GLIS1: variants seen among roughly 807,000 people sequenced by gnomAD.
GLIS1 encodes zinc finger protein GLIS1.
A neutral mutation model predicts 63.8 loss-of-function variants in GLIS1; 24 were observed. The ratio of observed to expected loss-of-function variants is 0.38; its 90% confidence interval spans 0.27 to 0.53. The LOEUF is 0.53. Ranked by LOEUF, GLIS1 falls within the 20% of genes least tolerant of loss-of-function variation. The pLI, the probability that GLIS1 is intolerant of heterozygous loss-of-function variation, is 0.85. For missense variants in GLIS1, 1,036 were observed against 1,074.1 expected (o/e 0.96, Z 0.50); for synonymous variants, 450 against 482.5 (o/e 0.93, Z 0.88).
chr1:53,506,708 A>G lies in GLIS1; in HGVS notation c.2299T>C (p.Ser767Pro). 6.2e-7 allele frequency: 1 copy of G among 1,613,430 alleles called. No individual in the cohort carries two copies. The highest frequency in any genetic ancestry group is 8.5e-7 in the Non-Finnish European group (1 of 1,179,988). Residue 767 changes from serine to proline, a missense_variant, in exon 11 of 11, where the codon TCC becomes CCC. By Grantham distance (74) the Ser-to-Pro change is moderately conservative. Around this residue, in one of 3 missense-constraint regions of GLIS1, gnomAD observed 400 missense variants for 400.9 expected, o/e 1.00. Transcript: ENST00000628545. ...LPQQPSEDVV[S>P]SGPEDCGFFP... ...AAGCCACAGTCCTCGGGGCCGCTGGACACCACATCTTCAGATGGCTGCTGT... is the reference window on the plus strand; with the variant it reads ...AAGCCACAGTCCTCGGGGCCGCTGGGCACCACATCTTCAGATGGCTGCTGT...
intron 4 of GLIS1, among the ~76,000 whole-genome samples, chr1:53,543,352 A>G (rs1249048423): frequency 6.6e-6 from 1 of 152,102 alleles, no homozygotes; most frequent in African/African-American, 2.4e-5. Context: ...TGCCTTGTTT[A>G]ACCTCCGGAG....
chr1:53,635,377 T>C (rs956788134), intron 2 of GLIS1, among the ~76,000 whole-genome samples: 1 of 152,050 alleles, frequency 6.6e-6, no homozygotes, highest in African/African-American at 2.4e-5. Flanking sequence ...ATCAAAAACA[T>C]AACGGAAATT....
chr1:53,614,113 C>T (rs1004841569), intron 2 of GLIS1, among the ~76,000 whole-genome samples: 3 of 152,118 alleles, frequency 2.0e-5, no homozygotes, highest in African/African-American at 7.2e-5. Context: ...CTACTATATG[C>T]CAGGACCAGG....
intron 7 of GLIS1, among the ~76,000 whole-genome samples, 161 bp from the exon 8 acceptor site, chr1:53,514,942 GCTGGCC>G (rs1644335648): frequency 1.3e-5 from 2 of 152,082 alleles, no homozygotes; most frequent in Non-Finnish European, 2.9e-5. Context: ...TGAGGGAGGT[GCTGGCC>G]CCACTCCACT....
chr1:53,582,125 C>T (rs1364480224), intron 4 of GLIS1, among the ~76,000 whole-genome samples: 1 of 152,188 alleles, frequency 6.6e-6, no homozygotes, highest in Non-Finnish European at 1.5e-5. Flanking sequence ...AGGAGGGCTT[C>T]CAACTTCATC....
At chr1:53,704,553 G>C (rs777408574) in intron 2 of GLIS1, among the ~76,000 whole-genome samples, 5 of 152,204 alleles carry the variant, frequency 3.3e-5, no homozygotes, top group Non-Finnish European at 7.3e-5. Flanking sequence ...GGAAGTGGGA[G>C]GGAGGGGAAA....
intron 2 of GLIS1, among the ~76,000 whole-genome samples, chr1:53,660,948 A>G (rs1021454976): frequency 2.0e-5 from 3 of 152,188 alleles, no homozygotes; most frequent in Non-Finnish European, 4.4e-5. Context: ...GGAGGTGGCC[A>G]TGCAGGATGG....
intron 4 of GLIS1, among the ~76,000 whole-genome samples, chr1:53,579,732 G>A (rs987997736): frequency 4.6e-5 from 7 of 152,188 alleles, no homozygotes; most frequent in Non-Finnish European, 2.9e-5. Context: ...GGGCAGAGCT[G>A]GCCCAGGAAA....
chr1:53,512,533 C>T (rs1301755739), intron 8 of GLIS1, among the ~76,000 whole-genome samples: 2 of 152,152 alleles, frequency 1.3e-5, no homozygotes. Flanking sequence ...TCCTTGTTGA[C>T]TTTGGCAGGA....
intron 2 of GLIS1, among the ~76,000 whole-genome samples, chr1:53,651,834 A>T (rs1191014907): frequency 1.3e-5 from 2 of 151,008 alleles, no homozygotes; most frequent in African/African-American, 4.9e-5. Flanking sequence ...TGTTCGTGCC[A>T]CTGCACTCCA....
At chr1:53,616,793 G>A (rs1645487255) in intron 2 of GLIS1, among the ~76,000 whole-genome samples, 2 of 152,278 alleles carry the variant, frequency 1.3e-5, no homozygotes, top group East Asian at 1.9e-4. Context: ...AGCAGACAGG[G>A]GCAAGAGTTC....
chr1:53,572,450 G>A (rs1028208203), intron 4 of GLIS1, among the ~76,000 whole-genome samples: 3 of 152,218 alleles, frequency 2.0e-5, no homozygotes, highest in African/African-American at 7.2e-5. Context: ...ACCTGATCCA[G>A]TGCTCCTTCC....
chr1:53,702,851 C>T (rs751948981), intron 2 of GLIS1, among the ~76,000 whole-genome samples: 4 of 152,210 alleles, frequency 2.6e-5, no homozygotes, highest in African/African-American at 4.8e-5. Flanking sequence ...TCTGCAGAAA[C>T]GTGGCCTGCC....
intron 4 of GLIS1, among the ~76,000 whole-genome samples, chr1:53,544,558 T>C (rs894667417): frequency 6.6e-6 from 1 of 152,186 alleles, no homozygotes; most frequent in Admixed American, 6.5e-5. Flanking sequence ...TATGGGTGGC[T>C]CCACTGCCTT....
At chr1:53,552,716 T>G (rs1644772843) in intron 4 of GLIS1, among the ~76,000 whole-genome samples, 2 of 152,280 alleles carry the variant, frequency 1.3e-5, no homozygotes, top group Non-Finnish European at 2.9e-5. Context: ...ACTTAGAGGC[T>G]GAGGGGCCAG....
intron 6 of GLIS1, among the ~76,000 whole-genome samples, chr1:53,522,982 CTTTCTTTT>C (rs1644425384): frequency 1.4e-4 from 3 of 22,084 alleles, no homozygotes; most frequent in Non-Finnish European, 2.2e-4. Context: ...CTTTTCTTTT[CTTTCTTTT>C]TTTTTTTTTT....
chr1:53,573,351 C>T (rs1034961558), intron 4 of GLIS1, among the ~76,000 whole-genome samples: 2 of 152,024 alleles, frequency 1.3e-5, no homozygotes, highest in African/African-American at 2.4e-5. Flanking sequence ...AGGACAGTGG[C>T]GGTGGGGGGA....
Position 53,731,086 on chromosome 1 carries a change from G to C in GLIS1, c.259+6720C>G, listed in dbSNP as rs140157950. On this transcript the variant is annotated intron_variant, in intron 2 of 10. Coordinates refer to ENST00000628545, the MANE Select transcript of GLIS1 (RefSeq NM_001367484.1). ...GCCATAGAGGGGAGACTACGACCGG[G>C]GCCTTGGCAAGGAATCTCCCCATAT... Among the ~76,000 whole-genome samples the C allele has an allele frequency of 2.0e-5, 3 of 152,286 alleles. No homozygotes were observed. The East Asian group carries it at 5.8e-4, about 29-fold the overall frequency.
At chr1:53,640,761 G>C (rs537839206) in intron 2 of GLIS1, among the ~76,000 whole-genome samples, 2 of 152,318 alleles carry the variant, frequency 1.3e-5, no homozygotes, top group African/African-American at 4.8e-5. Flanking sequence ...CCAGGCAGTA[G>C]TCTGGGATAC....
Sources: gnomAD v4.1 joint callset for allele counts (sites outside exome capture counted in the v4.1 genomes callset) on GRCh38, gnomAD v4.1.1 for gene constraint, gnomAD v4.1.1 regional missense constraint, MANE v1.5 for transcripts, NCBI Gene and HGNC (gene_info 2026-07-23, HGNC 2026-07-21) for gene names.